The following GEMIN6 variants were observed in gnomAD, a reference collection of about 807,000 sequenced individuals.
GEMIN6 encodes the protein gem nuclear organelle associated protein 6.
In GEMIN6, 13 loss-of-function variants were observed where a neutral mutation model predicts 14.1. The observed-to-expected ratio is 0.92, with a 90% CI of 0.60 to 1.46. GEMIN6 has a LOEUF of 1.46. GEMIN6 is among the 40% of genes most tolerant of loss of function. The pLI is 0.00. For missense variants in GEMIN6, 271 were observed against 202.4 expected, an observed-to-expected ratio of 1.34 and a Z score of -2.06; for synonymous variants, 87 against 70.0, an observed-to-expected ratio of 1.24 and a Z score of -1.21.
Position 38,781,820 on chromosome 2 carries a change from C to G in GEMIN6, c.432C>G (p.Cys144Trp), listed in dbSNP as rs1049924099. 2 of 1,614,118 alleles carry G rather than the reference C, an allele frequency of 1.2e-6. No homozygotes were observed. The highest frequency in any genetic ancestry group is 1.3e-5 in the African/African-American group (1 of 75,052). The stretch of plus-strand genomic sequence containing the variant: ...ACCCACCATATGGTCCAGAAAATTG[C>G]AGCAGCTCTAATGAGATTATTCTGT... ...TIDPPYGPEN[C>W]SSSNEIILSR... Residue 144 changes from cysteine (C) to tryptophan (W), a missense_variant, in exon 3 of 3, where the codon TGC becomes TGG. Coordinates refer to ENST00000281950, the MANE Select transcript of GEMIN6 (RefSeq NM_024775.10).
chr2:38,781,733 C>T lies in GEMIN6; in HGVS notation c.345C>T (p.Ile115=). The T allele has an allele frequency of 6.2e-7, 1 of 1,614,126 alleles. No individual in the cohort carries two copies. The highest frequency in any genetic ancestry group is 8.5e-7 in the Non-Finnish European group (1 of 1,180,022). Residue 115 remains isoleucine, a synonymous_variant, in exon 3 of 3, where the codon ATC becomes ATT. Transcript: ENST00000281950. ...SLKKWLEKNH[I]PITEQGDAPR... ...AGAAATGGCTTGAGAAGAACCACAT[C>T]CCCATCACTGAACAGGGAGACGCTC...
At position 38,778,964 on chromosome 2, in the gene GEMIN6, T is replaced by G. The variant is rs201740651; in HGVS notation, c.-19-8T>G. On this transcript the variant is annotated splice_region_variant and splice_polypyrimidine_tract_variant and intron_variant, in intron 1 of 2. Coordinates refer to ENST00000281950, the MANE Select transcript of GEMIN6 (RefSeq NM_024775.10). Reference sequence around the variant, plus strand: ...ACATATATTAACCAGCACTGGTGGTTGTTTCAGATTTAGCCAGGTGGCAAT... The same window carrying G: ...ACATATATTAACCAGCACTGGTGGTGGTTTCAGATTTAGCCAGGTGGCAAT... 2.5e-4 allele frequency: 408 copies of G among 1,602,984 alleles called. 2 individuals are homozygous for G. The highest frequency in any genetic ancestry group is 5.1e-4 in the African/African-American group (38 of 74,676).
At chr2:38,780,589 G>C (rs1669057989) in intron 2 of GEMIN6, among the ~76,000 whole-genome samples, 1 of 149,438 alleles carries the variant, frequency 6.7e-6, no homozygotes, top group Non-Finnish European at 1.5e-5. Context: ...CCACCCACCT[G>C]ACCTCCCAAA....
Position 38,781,691 on chromosome 2 carries a change from G to T in GEMIN6, c.303G>T (p.Glu101Asp). 6.2e-7 allele frequency: 1 copy of T among 1,614,206 alleles called. No homozygotes were observed. Among genetic ancestry groups the T allele is most frequent in the Non-Finnish European group, 8.5e-7 (1 of 1,180,032 alleles). ...CKAYSPEDLE[E>D]RKNSLKKWLE... The stretch of plus-strand genomic sequence containing the variant: ...CATACAGCCCAGAGGATCTGGAAGA[G>T]AGAAAGAACAGCCTAAAGAAATGGC... The change falls in exon 3 of 3, where the codon GAG becomes GAT. Residue 101 changes from glutamate (E) to aspartate (D), a missense_variant. By Grantham distance (45) the Glu-to-Asp change is conservative. Transcript: ENST00000281950.
intron 2 of GEMIN6, among the ~76,000 whole-genome samples, chr2:38,781,050 CCTCTGCCTCCCAGGTTCAAGCAATT>C (rs1669073842): frequency 6.7e-6 from 1 of 149,164 alleles, no homozygotes; most frequent in Non-Finnish European, 1.5e-5. Flanking sequence ...CTCACTGCAA[CCTCTGCCTCCCAGGTTCAAGCAATT>C]CTCTGCCTCT....
At position 38,782,079 on chromosome 2, in the gene GEMIN6, C is replaced by T; in HGVS notation, c.*187C>T. ...TCCTTGGGAAATTAATGAACTAGGG[C>T]AAGTATAGCATCCCATGCATAAAAT... On this transcript the variant is annotated 3_prime_UTR_variant, in exon 3 of 3. Coordinates refer to ENST00000281950, the MANE Select transcript of GEMIN6 (RefSeq NM_024775.10). 1.8e-6 allele frequency: 1 copy of T among 552,442 alleles called. No individual in the cohort carries two copies. The highest frequency in any genetic ancestry group is 2.9e-5 in the South Asian group (1 of 34,666). The allele number at this position is 552,442 out of a possible 1,614,324, so 34.2% of individuals were successfully genotyped here.
At chr2:38,779,628 T>A (rs1363273183) in intron 2 of GEMIN6, among the ~76,000 whole-genome samples, 1 of 115,210 alleles carries the variant, frequency 8.7e-6, no homozygotes, top group Non-Finnish European at 1.8e-5. Context: ...GCATAGAAAT[T>A]ATTCTTACTA....
At position 38,783,450 on chromosome 2, in the gene GEMIN6, G is replaced by A. The variant is rs546390618; in HGVS notation, c.*1558G>A. Reference sequence around the variant, plus strand: ...GATCTGCCTGCCGTGGCCTCCCAAAGTGCTGGGATTATAGGCATGAGAGCC... The same window carrying A: ...GATCTGCCTGCCGTGGCCTCCCAAAATGCTGGGATTATAGGCATGAGAGCC... On this transcript the variant is annotated 3_prime_UTR_variant, in exon 3 of 3. Coordinates refer to ENST00000281950, the MANE Select transcript of GEMIN6 (RefSeq NM_024775.10). The A allele has an allele frequency of 1.3e-5, 2 of 149,180 alleles. No homozygotes were observed. Among genetic ancestry groups the A allele is most frequent in the East Asian group, 4.0e-4 (2 of 5,050 alleles). 9.2% of individuals were successfully genotyped at this position (149,180 alleles called of 1,614,324 possible). A position where few individuals can be genotyped will look rare whatever the true frequency, so the allele number is the denominator to read the frequency against.
In GEMIN6 at chr2:38,781,938, A is replaced by G. The variant is rs1366619867; in HGVS notation, c.*46A>G. On this transcript the variant is annotated 3_prime_UTR_variant, in exon 3 of 3. Coordinates refer to ENST00000281950, the MANE Select transcript of GEMIN6 (RefSeq NM_024775.10). ...TACTGATAGAAAAAGACTATATTTT[A>G]TCCCTCATAAAATGTTTTAAATGTA... The G allele has an allele frequency of 1.3e-6, 2 of 1,519,312 alleles. No homozygotes were observed. Among genetic ancestry groups the G allele is most frequent in the Non-Finnish European group, 8.9e-7 (1 of 1,127,524 alleles). The allele number at this position is 1,519,312 out of a possible 1,614,324, so 94.1% of individuals were successfully genotyped here.
intron 2 of GEMIN6, 98 bp from the exon 3 acceptor site, chr2:38,781,419 T>G (rs926572978): frequency 8.2e-7 from 1 of 1,220,538 alleles, no homozygotes; most frequent in African/African-American, 1.5e-5. Context: ...AAGCATTCAT[T>G]GGTGACAGGA....
At position 38,781,997 on chromosome 2, in the gene GEMIN6, G is replaced by A; in HGVS notation, c.*105G>A. 1.8e-6 allele frequency: 2 copies of A among 1,130,596 alleles called. No homozygotes were observed. The highest frequency in any genetic ancestry group is 2.1e-4 in the Middle Eastern group (1 of 4,732). 70.0% of individuals were successfully genotyped at this position (1,130,596 alleles called of 1,614,324 possible). On this transcript the variant is annotated 3_prime_UTR_variant, in exon 3 of 3. Coordinates refer to ENST00000281950, the MANE Select transcript of GEMIN6 (RefSeq NM_024775.10). ...TGACTGTGTGTGTGTATGTGTGTGT[G>A]TGTATAATTCTTTGTTGTTTTGGTA...
chr2:38,779,646 ATATATATATATATATATATTTTTT>A (rs1428189909), intron 2 of GEMIN6, among the ~76,000 whole-genome samples: 2 of 22,952 alleles, frequency 8.7e-5, no homozygotes, highest in African/African-American at 2.1e-4. Context: ...CTATATATAT[ATATATATATATATATATATTTTTT>A]TTTTTTTTTT....
Position 38,779,101 on chromosome 2 carries a change from A to G in GEMIN6, c.111A>G (p.Thr37=), listed in dbSNP as rs1242204755. The G allele has an allele frequency of 6.2e-7, 1 of 1,613,114 alleles. No individual in the cohort carries two copies. Among genetic ancestry groups the G allele is most frequent in the Admixed American group, 1.7e-5 (1 of 59,804 alleles). Residue 37 remains threonine, a synonymous_variant, in exon 2 of 3, where the codon ACA becomes ACG. Coordinates refer to ENST00000281950, the MANE Select transcript of GEMIN6 (RefSeq NM_024775.10). ...KNEYKGWVLT[T]DPVSANIVLV... is the part of the protein sequence containing the mutation. ...AGTATAAAGGATGGGTTTTAACTAC[A>G]GACCCAGTCTCTGCCAAGTGAGTAT...
chr2:38,782,064 AT>A lies in GEMIN6; in HGVS notation c.*174del. On this transcript the variant is annotated 3_prime_UTR_variant, in exon 3 of 3. Transcript: ENST00000281950. ...TTATAAGTGCTAATTTCCTTGGGAA[AT>A]TAATGAACTAGGGCAAGTATAGCAT... 1 of 595,494 alleles carries A rather than the reference AT, an allele frequency of 1.7e-6. No homozygotes were observed. Among genetic ancestry groups the A allele is most frequent in the Non-Finnish European group, 2.8e-6 (1 of 355,806 alleles). The allele number at this position is 595,494 out of a possible 1,614,324, so 36.9% of individuals were successfully genotyped here.
intron 2 of GEMIN6, among the ~76,000 whole-genome samples, chr2:38,780,092 G>T (rs1052859468): frequency 6.6e-6 from 1 of 151,538 alleles, no homozygotes; most frequent in African/African-American, 2.4e-5. Context: ...GCCGAGGCGG[G>T]TGGATCACGA....
At chr2:38,779,647 TATATATATATATA>T (rs1558337860) in intron 2 of GEMIN6, among the ~76,000 whole-genome samples, 18 of 29,666 alleles carry the variant, frequency 6.1e-4, no homozygotes, top group African/African-American at 1.3e-3. Flanking sequence ...TATATATATA[TATATATATATATA>T]TATATTTTTT....
chr2:38,778,474 G>A (rs559085669), intron 1 of GEMIN6, among the ~76,000 whole-genome samples, 193 bp downstream of exon 1: 1 of 152,180 alleles, frequency 6.6e-6, no homozygotes, highest in African/African-American at 2.4e-5. Context: ...TCTCGATGGC[G>A]GGATCCAGCG....
chr2:38,778,932 A>C, intron 1 of GEMIN6, 40 bp from the exon 2 acceptor site: 1 of 1,537,926 alleles, frequency 6.5e-7, no homozygotes, highest in East Asian at 2.3e-5. Flanking sequence ...ACATTTGCTT[A>C]CGTGGAACAT....
At chr2:38,779,227 C>A in intron 2 of GEMIN6, 109 bp downstream of exon 2, 1 of 1,205,502 alleles carries the variant, frequency 8.3e-7, no homozygotes, top group Middle Eastern at 2.0e-4. Context: ...TTAATATTTT[C>A]ATATAAGAAT....
Sources: gnomAD v4.1 joint callset for allele counts (sites outside exome capture counted in the v4.1 genomes callset) on GRCh38, gnomAD v4.1.1 for gene constraint, MANE v1.5 for transcripts, NCBI Gene and HGNC (gene_info 2026-07-23, HGNC 2026-07-21) for gene names.